Variants in HOXB3 observed in about 807,000 individuals in gnomAD.
The protein encoded by HOXB3 is homeobox B3, also known as homeobox protein Hox-B3.
Under a neutral mutation model 29.2 loss-of-function variants are expected in HOXB3, and 17 were observed. The observed-to-expected ratio is 0.58, with a 90% confidence interval of 0.40 to 0.87. The LOEUF is 0.87. Among genes scored for constraint, HOXB3 ranks in the 40% least tolerant of loss-of-function variants. HOXB3 has a pLI of 0.00. For missense variants in HOXB3, 637 were observed against 616.3 expected (o/e 1.03, Z -0.35); for synonymous variants, 317 against 285.9 (o/e 1.11, Z -1.10).
Position 48,550,151 on chromosome 17 carries a change from G to A in HOXB3, c.*183C>T, listed in dbSNP as rs2068658613. 2.9e-6 allele frequency: 2 copies of A among 686,422 alleles called. No homozygotes were observed. The highest frequency in any genetic ancestry group is 1.9e-5 in the South Asian group (1 of 52,050). The allele number at this position is 686,422 out of a possible 1,614,324, so 42.5% of individuals were successfully genotyped here. On this transcript the variant is annotated 3_prime_UTR_variant, in exon 5 of 5. Transcript: ENST00000498678. ...GGGTTGGCAGGCAGATGGAACAAGG[G>A]GTGGAAGACTTAAAAGCAACCTCTC...
chr17:48,559,888 G>C (rs940421098), intron 2 of HOXB3: 3 of 152,278 alleles, frequency 2.0e-5, no homozygotes, highest in Non-Finnish European at 4.4e-5. Context: ...GGACAAAAAG[G>C]GCAGCCACAA....
chr17:48,584,971 T>A (rs2070019292), intron 1 of HOXB3, among the ~76,000 whole-genome samples: 1 of 112,644 alleles, frequency 8.9e-6, no homozygotes. Context: ...CACTCACGCA[T>A]GGTGTAAACT....
In HOXB3 at chr17:48,550,458, G is replaced by C. The variant is rs1213222452; in HGVS notation, c.1172C>G (p.Pro391Arg). The C allele has an allele frequency of 6.2e-7, 1 of 1,612,868 alleles. No individual in the cohort carries two copies. Among genetic ancestry groups the C allele is most frequent in the Non-Finnish European group, 8.5e-7 (1 of 1,179,804 alleles). ...TCCGTGGTGCTGGCTGGGCGCCATA[G>C]GGGGCGCCCCGTTGTAGTCCAGGTT... ...SGNLDYNGAPPMAPSQHHGPC... is the reference protein window; with the variant it reads ...SGNLDYNGAPRMAPSQHHGPC... Residue 391 changes from proline to arginine, a missense_variant, in exon 5 of 5, where the codon CCT becomes CGT. Transcript: ENST00000498678.
Position 48,550,222 on chromosome 17 carries a change from A to T in HOXB3, c.*112T>A. 6.9e-7 allele frequency: 1 copy of T among 1,443,654 alleles called. No individual in the cohort carries two copies. Among genetic ancestry groups the T allele is most frequent in the Non-Finnish European group, 9.4e-7 (1 of 1,066,222 alleles). 89.4% of individuals were successfully genotyped at this position (1,443,654 alleles called of 1,614,324 possible). A position where few individuals can be genotyped will look rare whatever the true frequency, so the allele number is the denominator to read the frequency against. On this transcript the variant is annotated 3_prime_UTR_variant, in exon 5 of 5. Transcript: ENST00000498678. Reference sequence around the variant, plus strand: ...AGCTCCAGGCCGGTTCTGACCAGGAAGCCTGGGTACCACCTTCTCTGGCTC... The same window carrying T: ...AGCTCCAGGCCGGTTCTGACCAGGATGCCTGGGTACCACCTTCTCTGGCTC...
chr17:48,551,068 A>ACGCCGCCGACCC lies in HOXB3; in HGVS notation c.550_561dup (p.Gly184_Ala187dup), dbSNP rs2068715466. 1 of 1,548,596 alleles carries ACGCCGCCGACCC rather than the reference A, an allele frequency of 6.5e-7. No individual in the cohort carries two copies. The highest frequency in any genetic ancestry group is 8.7e-7 in the Non-Finnish European group (1 of 1,143,188). ...GTGTACGCCGTCCGCGCCCGCTTGG[A>ACGCCGCCGACCC]CGCCGCCGACCCCGGGGGGCTCTTG... On this transcript the variant is annotated inframe_insertion, in exon 5 of 5. Coordinates refer to ENST00000498678, the MANE Select transcript of HOXB3 (RefSeq NM_001384749.1).
chr17:48,575,763 C>T (rs1270988996), intron 1 of HOXB3: 2 of 152,620 alleles, frequency 1.3e-5, no homozygotes, highest in Non-Finnish European at 2.9e-5. Flanking sequence ...TCCTCCCAGA[C>T]TGGGAGGGGC....
chr17:48,587,525 C>G (rs1270535200), intron 1 of HOXB3, among the ~76,000 whole-genome samples: 1 of 152,198 alleles, frequency 6.6e-6, no homozygotes, highest in Non-Finnish European at 1.5e-5. Context: ...GAGCTTCTGT[C>G]TTCTCCATTG....
intron 1 of HOXB3, chr17:48,576,510 G>GC (rs990735803): frequency 1.3e-5 from 4 of 307,414 alleles, no homozygotes; most frequent in Non-Finnish European, 2.3e-5. Flanking sequence ...TCTTGCTTCT[G>GC]GGGGGGCCTC....
At chr17:48,589,616 C>T (rs572232238) in intron 1 of HOXB3, among the ~76,000 whole-genome samples, 1 of 152,186 alleles carries the variant, frequency 6.6e-6, no homozygotes, top group Admixed American at 6.5e-5. Context: ...GAGATCACCC[C>T]AGGGCAAGGT....
chr17:48,584,911 C>T (rs2070017021), intron 1 of HOXB3, among the ~76,000 whole-genome samples: 1 of 148,992 alleles, frequency 6.7e-6, no homozygotes, highest in Non-Finnish European at 1.5e-5. Flanking sequence ...ATACAGCCCC[C>T]TCCCCCACCG....
chr17:48,576,663 T>G, intron 1 of HOXB3: 16 of 167,330 alleles, frequency 9.6e-5, no homozygotes, highest in Non-Finnish European at 1.6e-4. Context: ...CCCCACCCCA[T>G]CCCCTGCACT....
intron 1 of HOXB3, among the ~76,000 whole-genome samples, chr17:48,586,333 A>C (rs1471231840): frequency 6.6e-6 from 1 of 152,184 alleles, no homozygotes; most frequent in Non-Finnish European, 1.5e-5. Context: ...CAGGCTCCCA[A>C]ATTTCCCCTC....
At position 48,550,860 on chromosome 17, in the gene HOXB3, C is replaced by T. The variant is rs2068706489; in HGVS notation, c.770G>A (p.Gly257Glu). The T allele has an allele frequency of 6.2e-7, 1 of 1,613,912 alleles. No individual in the cohort carries two copies. Among genetic ancestry groups the T allele is most frequent in the Non-Finnish European group, 8.5e-7 (1 of 1,179,914 alleles). Residue 257 changes from glycine (G) to glutamate (E), a missense_variant, in exon 5 of 5, where the codon GGG (glycine) becomes GAG (glutamate). Gly to Glu is a moderately conservative substitution (Grantham distance 98). Transcript: ENST00000498678. Reference protein sequence around the residue: ...QKAKGLASSSGGPSPAGSPPQ... With the variant: ...QKAKGLASSSEGPSPAGSPPQ... ...GGGGCTGCCGGCTGGAGATGGGCCC[C>T]CCGACGACGAGGCCAATCCCTTGGC...
chr17:48,557,269 T>G (rs2069026334), intron 2 of HOXB3: 1 of 152,308 alleles, frequency 6.6e-6, no homozygotes, highest in Non-Finnish European at 1.5e-5. Context: ...TGTAAGGCAC[T>G]ACCCTGTGAT....
At chr17:48,572,026 G>A (rs1472259662) in intron 2 of HOXB3, among the ~76,000 whole-genome samples, 3 of 152,164 alleles carry the variant, frequency 2.0e-5, no homozygotes, top group African/African-American at 7.2e-5. Context: ...CTTTGTCTCT[G>A]TCTCTCCCTA....
At chr17:48,573,580 G>A (rs1456582437) in intron 2 of HOXB3, among the ~76,000 whole-genome samples, 1 of 152,120 alleles carries the variant, frequency 6.6e-6, no homozygotes, top group Non-Finnish European at 1.5e-5. Flanking sequence ...CTTCTCTGGG[G>A]TTTTTCATGG....
intron 1 of HOXB3, among the ~76,000 whole-genome samples, chr17:48,589,229 C>G (rs1255789277): frequency 6.6e-6 from 1 of 152,122 alleles, no homozygotes; most frequent in Non-Finnish European, 1.5e-5. Context: ...AGCACCTTTC[C>G]TATTTTCTCT....
chr17:48,570,374 G>T lies in HOXB3; in HGVS notation c.-247+3463C>A, dbSNP rs556325112. Among the ~76,000 whole-genome samples the T allele has an allele frequency of 3.3e-4, 50 of 152,324 alleles. No individual in the cohort carries two copies. The Middle Eastern group carries it at 0.014, about 41-fold the overall frequency. ...ATCAGAGTTCTCGGCCGGGGCATGGGATGGGGGGTGGGGATGCAAAGGGAA... is the reference window on the plus strand; with the variant it reads ...ATCAGAGTTCTCGGCCGGGGCATGGTATGGGGGGTGGGGATGCAAAGGGAA... On this transcript the variant is annotated intron_variant, in intron 2 of 4. Transcript: ENST00000498678.
intron 4 of HOXB3, among the ~76,000 whole-genome samples, chr17:48,551,706 A>G (rs2068749742): frequency 6.6e-6 from 1 of 152,250 alleles, no homozygotes; most frequent in Admixed American, 6.5e-5. Context: ...CAGTAATCAT[A>G]CTTAATAATA....
Sources: allele counts gnomAD v4.1 joint callset (sites outside exome capture counted in the v4.1 genomes callset), GRCh38; gene constraint gnomAD v4.1.1; transcripts MANE v1.5; gene names NCBI Gene and HGNC (gene_info 2026-07-23, HGNC 2026-07-21).